The following DYNC2I2 variants were observed in gnomAD, a reference collection of about 807,000 sequenced individuals.
DYNC2I2 encodes the protein dynein 2 intermediate chain 2, also known as cytoplasmic dynein 2 intermediate chain 2.
In DYNC2I2, 39 loss-of-function variants were observed where a neutral mutation model predicts 52.0. That is an observed-to-expected ratio of 0.75 (90% CI 0.58 to 0.98). DYNC2I2 has a LOEUF of 0.98. Among genes scored for constraint, DYNC2I2 ranks in the 50% least tolerant of loss-of-function variants. DYNC2I2 has a pLI of 0.00. For synonymous variants in DYNC2I2, 359 were observed against 321.1 expected, an observed-to-expected ratio of 1.12 and a Z score of -1.26; for missense variants, 743 against 728.4, an observed-to-expected ratio of 1.02 and a Z score of -0.23.
chr9:128,665,129 T>G, the DYNC2I2 span, among the ~76,000 whole-genome samples: 47 of 151,168 alleles, frequency 3.1e-4, 1 homozygote, highest in East Asian at 1.2e-3. Flanking sequence ...CTCGGCTAAC[T>G]GAAAGCTCCA....
At chr9:128,641,005 T>C (rs1860506479) in intron 1 of DYNC2I2, 66 bp from the exon 2 acceptor site, 1 of 1,501,038 alleles carries the variant, frequency 6.7e-7, no homozygotes, top group Non-Finnish European at 8.9e-7. Flanking sequence ...CCCAGCCCCC[T>C]GCCTGCCCCT....
At chr9:128,661,726 T>G (rs957459985), upstream of DYNC2I2, among the ~76,000 whole-genome samples, 3 of 151,454 alleles carry the variant, frequency 2.0e-5, no homozygotes, top group African/African-American at 7.3e-5. Flanking sequence ...CACACTTACT[T>G]GATCCTCAGG....
At chr9:128,659,494 CA>C (rs1236369943), upstream of DYNC2I2, among the ~76,000 whole-genome samples, 6,935 of 69,866 alleles carry the variant, frequency 0.099, 180 homozygotes, top group African/African-American at 0.15. Context: ...GACTCCGTCT[CA>C]AAAAAAAAAA....
At chr9:128,679,966 C>T in the DYNC2I2 span, among the ~76,000 whole-genome samples, 1 of 152,152 alleles carries the variant, frequency 6.6e-6, no homozygotes, top group South Asian at 2.1e-4. Context: ...ACCCTGGAGT[C>T]CCCTAATGTC....
the DYNC2I2 span, among the ~76,000 whole-genome samples, chr9:128,668,756 G>GC: frequency 6.7e-6 from 1 of 150,240 alleles, no homozygotes; most frequent in Non-Finnish European, 1.5e-5. Flanking sequence ...GGAGGTAGAA[G>GC]TTGCAGTGAG....
chr9:128,668,340 G>A, the DYNC2I2 span, among the ~76,000 whole-genome samples: 2 of 151,132 alleles, frequency 1.3e-5, no homozygotes, highest in Non-Finnish European at 2.9e-5. Flanking sequence ...ACTGCGTCTG[G>A]CCACAACGCC....
Position 128,656,615 on chromosome 9 carries a change from G to GCGGCCCTGGCCGCCC in DYNC2I2, c.97_111dup (p.Gly33_Pro37dup). The stretch of plus-strand genomic sequence containing the variant: ...GCCACACCCAGGGTCTCGTCCTGCA[G>GCGGCCCTGGCCGCCC]CGGCCCTGGCCGCCCCGGCCCCGGG... On this transcript the variant is annotated inframe_insertion, in exon 1 of 9. Transcript: ENST00000372715. The GCGGCCCTGGCCGCCC allele has an allele frequency of 6.7e-7, 1 of 1,496,300 alleles. No individual in the cohort carries two copies. Among genetic ancestry groups the GCGGCCCTGGCCGCCC allele is most frequent in the Non-Finnish European group, 8.8e-7 (1 of 1,130,694 alleles). 92.7% of individuals were successfully genotyped at this position (1,496,300 alleles called of 1,614,324 possible).
upstream of DYNC2I2, among the ~76,000 whole-genome samples, chr9:128,659,617 A>T (rs939276363): frequency 1.3e-5 from 2 of 151,758 alleles, no homozygotes; most frequent in Admixed American, 6.6e-5. Flanking sequence ...AAACCTATTT[A>T]AAAAATTAGG....
At chr9:128,641,976 TACACAC>T (rs142269423) in intron 1 of DYNC2I2, among the ~76,000 whole-genome samples, 1 of 146,992 alleles carries the variant, frequency 6.8e-6, no homozygotes, top group African/African-American at 2.5e-5. Flanking sequence ...TTTATATACA[TACACAC>T]ACACACACAC....
chr9:128,676,505 A>G, the DYNC2I2 span, among the ~76,000 whole-genome samples: 2 of 149,018 alleles, frequency 1.3e-5, no homozygotes, highest in African/African-American at 2.5e-5. Flanking sequence ...ACAAACAAAC[A>G]GGAAAAGTGA....
chr9:128,634,380 A>C lies in DYNC2I2; in HGVS notation c.1218T>G (p.Asn406Lys), dbSNP rs1359674570. 3 of 1,581,272 alleles carry C rather than the reference A, an allele frequency of 1.9e-6. No individual in the cohort carries two copies. The South Asian group carries it at 3.5e-5, about 18-fold the overall frequency. Residue 406 changes from asparagine to lysine, a missense_variant, in exon 8 of 9, where the codon AAT (asparagine) becomes AAG (lysine). By Grantham distance (94) the Asn-to-Lys change is moderately conservative. Coordinates refer to ENST00000372715, the MANE Select transcript of DYNC2I2 (RefSeq NM_052844.4). Reference protein sequence around the residue: ...YSVSCSPFHRNLFLSAGTDGH... With the variant: ...YSVSCSPFHRKLFLSAGTDGH... Reference sequence around the variant, plus strand: ...CGTCAGTCCCAGCGCTCAGGAAGAGATTCCTAGACGGGATGCAGGGGGCCA... The same window carrying C: ...CGTCAGTCCCAGCGCTCAGGAAGAGCTTCCTAGACGGGATGCAGGGGGCCA...
At chr9:128,636,868 G>T (rs201820542) in intron 3 of DYNC2I2, 50 bp downstream of exon 3, 2 of 1,428,942 alleles carry the variant, frequency 1.4e-6, no homozygotes, top group East Asian at 4.6e-5. Context: ...AAGGCCCAAG[G>T]AGGGTCCTGG....
chr9:128,683,653 G>C, the DYNC2I2 span: 19 of 431,418 alleles, frequency 4.4e-5, no homozygotes, highest in Non-Finnish European at 5.0e-5. Flanking sequence ...CCAAAGCCAA[G>C]AGTGCCCCTG....
chr9:128,645,294 G>A (rs1050809134), intron 1 of DYNC2I2, among the ~76,000 whole-genome samples: 1 of 151,912 alleles, frequency 6.6e-6, no homozygotes, highest in African/African-American at 2.4e-5. Context: ...TCAGGAGTTC[G>A]AGACCAGCCT....
At chr9:128,667,992 C>T in the DYNC2I2 span, among the ~76,000 whole-genome samples, 209 of 123,734 alleles carry the variant, frequency 1.7e-3, 2 homozygotes, top group Admixed American at 2.5e-3. Context: ...GATGGAGTCC[C>T]GCTCTGTCAC....
At chr9:128,655,335 T>TAAAAAAAAAA (rs869197100) in intron 1 of DYNC2I2, among the ~76,000 whole-genome samples, 531 of 18,688 alleles carry the variant, frequency 0.028, 195 homozygotes, top group Middle Eastern at 0.2. Flanking sequence ...CCGTCTCTAC[T>TAAAAAAAAAA]AAAAAAAAAA....
At position 128,652,332 on chromosome 9, in the gene DYNC2I2, T is replaced by C. The variant is rs1860731864; in HGVS notation, c.186+4209A>G. Among the ~76,000 whole-genome samples the C allele has an allele frequency of 1.4e-5, 2 of 148,146 alleles. 1 individual carries two copies. The highest frequency in any genetic ancestry group is 5.1e-5 in the African/African-American group (2 of 39,018). On this transcript the variant is annotated intron_variant, in intron 1 of 8. Transcript: ENST00000372715. ...TTGTAATCCCAGCTACTCAGAAGGC[T>C]GAGGCAGGAGAATCGCTTGAACCCA...
chr9:128,641,911 C>G (rs1860520527), intron 1 of DYNC2I2, among the ~76,000 whole-genome samples: 1 of 152,004 alleles, frequency 6.6e-6, no homozygotes, highest in South Asian at 2.1e-4. Flanking sequence ...AGACTCTTGT[C>G]TGATCTTTGT....
chr9:128,635,534 AG>A, intron 5 of DYNC2I2, 123 bp downstream of exon 5: 3 of 920,168 alleles, frequency 3.3e-6, no homozygotes, highest in Non-Finnish European at 5.0e-6. Context: ...ATGCTGCGGG[AG>A]CTCCGAGAAT....
Sources: gnomAD v4.1 joint callset for allele counts (sites outside exome capture counted in the v4.1 genomes callset) on GRCh38, gnomAD v4.1.1 for gene constraint, MANE v1.5 for transcripts, NCBI Gene and HGNC (gene_info 2026-07-23, HGNC 2026-07-21) for gene names.